Variants in DYNC2H1 observed in about 807,000 individuals in gnomAD.
DYNC2H1 encodes cytoplasmic dynein 2 heavy chain 1.
A neutral mutation model predicts 570.0 loss-of-function variants in DYNC2H1; 410 were observed. The ratio of observed to expected loss-of-function variants is 0.72; its 90% CI spans 0.66 to 0.78. The LOEUF (loss-of-function observed/expected upper bound fraction) is 0.78, where lower values mean the gene tolerates loss of function less well. Among genes scored for constraint, DYNC2H1 ranks in the 30% least tolerant of loss-of-function variants. The probability of loss-of-function intolerance (pLI) is 0.00; values close to 1 mark genes in which losing one functional copy is unlikely to be tolerated. For synonymous variants in DYNC2H1, 1,688 were observed against 1,677.6 expected, an observed-to-expected ratio of 1.01 and a Z score of -0.15; for missense variants, 4,865 against 5,046.4, an observed-to-expected ratio of 0.96 and a Z score of 1.09.
In DYNC2H1 at chr11:103,275,083, G is replaced by T. The variant is rs1191080006; in HGVS notation, c.10696-5265G>T. Among the ~76,000 whole-genome samples, 1 of 151,978 alleles carries T rather than the reference G, an allele frequency of 6.6e-6. No individual in the cohort carries two copies. Among genetic ancestry groups the T allele is most frequent in the Non-Finnish European group, 1.5e-5 (1 of 68,010 alleles). On this transcript the variant is annotated intron_variant, in intron 70 of 88. Transcript: ENST00000375735. The surrounding 1 kb of genome is among the most constrained non-coding windows in gnomAD (Gnocchi z 4.8). ...CACTCCAGCCTGGGCGACAGTGAGA[G>T]ACTCCGTCTCAAAAATAAATAAATA...
chr11:103,207,245 A>ATTTTTT (rs1565396154), intron 52 of DYNC2H1, among the ~76,000 whole-genome samples: 1 of 33,644 alleles, frequency 3.0e-5, no homozygotes, highest in Non-Finnish European at 7.0e-5. Flanking sequence ...TTTTTTTTAA[A>ATTTTTT]AAAAGATGGG....
intron 85 of DYNC2H1, among the ~76,000 whole-genome samples, chr11:103,437,351 A>AG (rs1944101101): frequency 1.3e-5 from 2 of 152,128 alleles, no homozygotes; most frequent in South Asian, 2.1e-4. Flanking sequence ...GACCTCCTCC[A>AG]GGGGGTCTTC....
Position 103,132,835 on chromosome 11 carries a change from TGGG to T in DYNC2H1, c.1954-718_1954-716del, listed in dbSNP as rs1320417836. Among the ~76,000 whole-genome samples, 31 of 152,152 alleles carry T rather than the reference TGGG, an allele frequency of 2.0e-4. No homozygotes were observed. In the East Asian group the frequency reaches 5.3e-3, roughly 26 times the overall value. On this transcript the variant is annotated intron_variant, in intron 13 of 88. Transcript: ENST00000375735. ...TGGAGGCACCTTGTTGCCTCCAAGCTGGGGTGTAAGCTCAGCTTCCTACTGGGC... is the reference window on the plus strand; with the variant it reads ...TGGAGGCACCTTGTTGCCTCCAAGCTGTGTAAGCTCAGCTTCCTACTGGGC...
intron 85 of DYNC2H1, among the ~76,000 whole-genome samples, chr11:103,436,815 T>C (rs1944081703): frequency 6.6e-6 from 1 of 152,176 alleles, no homozygotes; most frequent in South Asian, 2.1e-4. Flanking sequence ...TTCAGTTCTC[T>C]ATCACTTTCT....
At chr11:103,423,224 T>C (rs1174426923) in intron 84 of DYNC2H1, among the ~76,000 whole-genome samples, 1 of 150,270 alleles carries the variant, frequency 6.7e-6, no homozygotes, top group South Asian at 2.1e-4. Context: ...AATCAATGGA[T>C]TGGAATGGAT....
chr11:103,143,133 A>G (rs1860046409), intron 17 of DYNC2H1, 135 bp from the exon 18 acceptor site: 5 of 788,616 alleles, frequency 6.3e-6, no homozygotes, highest in South Asian at 4.1e-5. Flanking sequence ...AGTAATGATT[A>G]TATTACTTAA....
chr11:103,311,314 G>T (rs570500066), intron 78 of DYNC2H1, among the ~76,000 whole-genome samples: 27 of 152,154 alleles, frequency 1.8e-4, no homozygotes, highest in Non-Finnish European at 2.9e-4. Flanking sequence ...GATACATATG[G>T]ATGAACATTT....
chr11:103,393,972 C>A (rs1348354066), intron 83 of DYNC2H1, among the ~76,000 whole-genome samples: 1 of 152,136 alleles, frequency 6.6e-6, no homozygotes, highest in South Asian at 2.1e-4. Flanking sequence ...ATTCAATTAC[C>A]TCCCACTGGG....
chr11:103,273,126 C>T (rs1205303289), intron 70 of DYNC2H1, among the ~76,000 whole-genome samples: 1 of 147,428 alleles, frequency 6.8e-6, no homozygotes, highest in Non-Finnish European at 1.5e-5. Context: ...TTTCTCCCTT[C>T]CCTTCCCTCC....
chr11:103,275,108 A>G lies in DYNC2H1; in HGVS notation c.10696-5240A>G, dbSNP rs551412893. 6.6e-6 allele frequency among the ~76,000 whole-genome samples: 1 copy of G among 152,274 alleles called. No homozygotes were observed. The highest frequency in any genetic ancestry group is 2.4e-5 in the African/African-American group (1 of 41,564). On this transcript the variant is annotated intron_variant, in intron 70 of 88. Transcript: ENST00000375735. This position sits in a 1 kb window ranked among gnomAD's most constrained non-coding sequence, Gnocchi z 4.8. ...GACTCCGTCTCAAAAATAAATAAAT[A>G]AATAAATAAAATAAAATTTATCTAT...
chr11:103,342,268 A>C (rs1051885628), intron 82 of DYNC2H1, among the ~76,000 whole-genome samples: 12 of 152,112 alleles, frequency 7.9e-5, no homozygotes, highest in Non-Finnish European at 1.5e-4. Flanking sequence ...GCACCCTGTA[A>C]AATGGACCAA....
chr11:103,176,088 C>T, intron 36 of DYNC2H1, 147 bp from the exon 37 acceptor site: 1 of 533,920 alleles, frequency 1.9e-6, no homozygotes, highest in Non-Finnish European at 3.0e-6. Flanking sequence ...GTAAGCTTGC[C>T]AATTCATGTG....
chr11:103,114,801 T>G (rs1435149874), intron 3 of DYNC2H1, among the ~76,000 whole-genome samples: 1 of 152,210 alleles, frequency 6.6e-6, no homozygotes, highest in Non-Finnish European at 1.5e-5. Flanking sequence ...TAACATTGAC[T>G]TAATGGCTAA....
In DYNC2H1 at chr11:103,214,631, T is replaced by TG. The variant is rs753693689; in HGVS notation, c.8695-1086dup. Among the ~76,000 whole-genome samples the TG allele has an allele frequency of 4.8e-4, 73 of 151,682 alleles. No homozygotes were observed. In the Middle Eastern group the frequency reaches 0.02, roughly 42 times the overall value. On this transcript the variant is annotated intron_variant, in intron 54 of 88. Transcript: ENST00000375735. Reference sequence around the variant, plus strand: ...GCTAATTTTTTATTTTCAGTAGAGATGGGGTTTCATCATGTTGGCCAGGCT... The same window carrying TG: ...GCTAATTTTTTATTTTCAGTAGAGATGGGGGTTTCATCATGTTGGCCAGGCT...
At chr11:103,251,022 T>C (rs613358) in intron 65 of DYNC2H1, among the ~76,000 whole-genome samples, 8,481 of 152,134 alleles carry the variant, frequency 0.056, 315 homozygotes, top group East Asian at 0.13. Context: ...TTCATTTAAT[T>C]TTCTGTACAG....
rs60223334 is a variant in DYNC2H1 at position 103,423,408 on chromosome 11, TAAAAAAA to T, written c.12367-12511_12367-12505del. ...ATTAAATAGCCAAAAGCCAAAAAAG[TAAAAAAA>T]AAAAAAAAAAAAAAAAAAAAAAACC... On this transcript the variant is annotated intron_variant, in intron 84 of 88. Transcript: ENST00000375735. Among the ~76,000 whole-genome samples the T allele has an allele frequency of 6.4e-4, 77 of 120,498 alleles. 1 individual carries two copies. The highest frequency in any genetic ancestry group is 1.1e-3 in the Non-Finnish European group (58 of 51,448). The allele number at this position is 120,498 out of a possible 152,430, so 79.1% of individuals were successfully genotyped here. A position where few individuals can be genotyped will look rare whatever the true frequency, so the allele number is the denominator to read the frequency against.
At chr11:103,173,008 A>G in intron 34 of DYNC2H1, 74 bp from the exon 35 acceptor site, 1 of 784,666 alleles carries the variant, frequency 1.3e-6, no homozygotes, top group Non-Finnish European at 1.7e-6. Flanking sequence ...TTTCAAATAT[A>G]AACGATGCCT....
intron 55 of DYNC2H1, among the ~76,000 whole-genome samples, chr11:103,216,302 G>A (rs1421885894): frequency 6.6e-6 from 1 of 151,780 alleles, no homozygotes; most frequent in African/African-American, 2.4e-5. Context: ...TACATTTTTT[G>A]AGTGGTTGCC....
chr11:103,376,505 T>A (rs1941400581), intron 83 of DYNC2H1, among the ~76,000 whole-genome samples: 1 of 152,232 alleles, frequency 6.6e-6, no homozygotes, highest in South Asian at 2.1e-4. Flanking sequence ...ACCATAGGGC[T>A]AACATAAAGA....
Sources: gnomAD v4.1 joint callset for allele counts (sites outside exome capture counted in the v4.1 genomes callset) on GRCh38, gnomAD v4.1.1 for gene constraint, Gnocchi (gnomAD v3.1) non-coding constraint, MANE v1.5 for transcripts, NCBI Gene and HGNC (gene_info 2026-07-23, HGNC 2026-07-21) for gene names.